Variants in RNF125 observed in about 807,000 individuals in gnomAD.
RNF125 encodes ring finger protein 125.
RNF125 carries 21 observed loss-of-function variants against 26.0 expected under a neutral mutation model. The ratio of observed to expected loss-of-function variants is 0.81; its 90% CI spans 0.57 to 1.16. RNF125 has a LOEUF of 1.16. Among genes scored for constraint, RNF125 ranks in the 50% most tolerant of loss-of-function variants. The pLI is 0.00. For synonymous variants in RNF125, 95 were observed against 109.2 expected, an observed-to-expected ratio of 0.87 and a Z score of 0.81; for missense variants, 270 against 299.4, an observed-to-expected ratio of 0.90 and a Z score of 0.72.
intron 4 of RNF125, 75 bp from the exon 5 acceptor site, chr18:32,065,827 A>G (rs1481567154): frequency 4.7e-6 from 5 of 1,058,054 alleles, no homozygotes; most frequent in Non-Finnish European, 7.3e-6. Flanking sequence ...CACCGCGCCC[A>G]GCCGTTGTTT....
intron 4 of RNF125, among the ~76,000 whole-genome samples, chr18:32,048,264 A>C (rs2039291333): frequency 6.6e-6 from 1 of 150,922 alleles, no homozygotes; most frequent in African/African-American, 2.4e-5. Context: ...ATACAAAAAA[A>C]AAAAAAAAAA....
At chr18:32,022,584 G>A (rs2038995615) in intron 1 of RNF125, among the ~76,000 whole-genome samples, 1 of 152,174 alleles carries the variant, frequency 6.6e-6, no homozygotes, top group South Asian at 2.1e-4. Context: ...GCAGAGTAGG[G>A]GCTTGGAACA....
In RNF125 at chr18:32,070,875, TGTATTTTTA is replaced by T. The variant is rs1444501232; in HGVS notation, c.*2495_*2503del. On this transcript the variant is annotated 3_prime_UTR_variant, in exon 6 of 6. Coordinates refer to ENST00000217740, the MANE Select transcript of RNF125 (RefSeq NM_017831.4). Reference sequence around the variant, plus strand: ...ATGCGCCACCACGCCCTGCTAATTTTGTATTTTTAGTAGAGTCAGGATTTCTCCACATTG... The same window carrying T: ...ATGCGCCACCACGCCCTGCTAATTTTGTAGAGTCAGGATTTCTCCACATTG... 6.6e-6 allele frequency: 1 copy of T among 151,944 alleles called. No individual in the cohort carries two copies. Among genetic ancestry groups the T allele is most frequent in the Non-Finnish European group, 1.5e-5 (1 of 68,002 alleles). The allele number at this position is 151,944 out of a possible 1,614,324, so 9.4% of individuals were successfully genotyped here.
At chr18:32,077,933 C>T (rs2039581104), downstream of RNF125, among the ~76,000 whole-genome samples, 1 of 151,962 alleles carries the variant, frequency 6.6e-6, no homozygotes, top group South Asian at 2.1e-4. Flanking sequence ...GGACTATAGG[C>T]ACACACCACC....
At chr18:32,090,305 A>G in the RNF125 span, among the ~76,000 whole-genome samples, 1,664 of 152,320 alleles carry the variant, frequency 0.011, 12 homozygotes, top group Non-Finnish European at 0.016. Context: ...TTGAACTCAA[A>G]GAACCATTTT....
chr18:32,027,223 G>C (rs1018907448), intron 1 of RNF125, among the ~76,000 whole-genome samples: 5 of 150,600 alleles, frequency 3.3e-5, no homozygotes, highest in Non-Finnish European at 7.4e-5. Context: ...CTACAGGATG[G>C]AGTCTTTTTT....
chr18:32,026,528 C>T (rs950738670), intron 1 of RNF125, among the ~76,000 whole-genome samples: 1 of 152,134 alleles, frequency 6.6e-6, no homozygotes, highest in Admixed American at 6.6e-5. Flanking sequence ...GTGTGAACCA[C>T]TGTCCCCAGC....
intron 1 of RNF125, among the ~76,000 whole-genome samples, chr18:32,019,700 G>GGT (rs2038967469): frequency 6.6e-6 from 1 of 152,130 alleles, no homozygotes; most frequent in Non-Finnish European, 1.5e-5. Flanking sequence ...AACCTGCTAG[G>GGT]GTGGGGCTTG....
At chr18:32,083,690 T>G in the RNF125 span, among the ~76,000 whole-genome samples, 1 of 151,816 alleles carries the variant, frequency 6.6e-6, no homozygotes. Context: ...GGTAGGCAGA[T>G]TGCTTGAGCT....
chr18:32,077,334 A>ATTTTT (rs552701343), downstream of RNF125, among the ~76,000 whole-genome samples: 11 of 107,862 alleles, frequency 1.0e-4, no homozygotes, highest in Non-Finnish European at 1.9e-4. Context: ...CCCTCTCCCC[A>ATTTTT]TTTTTTTTTT....
the RNF125 span, among the ~76,000 whole-genome samples, chr18:32,087,294 C>A: frequency 6.7e-6 from 1 of 149,664 alleles, no homozygotes; most frequent in African/African-American, 2.5e-5. Flanking sequence ...CACCAGTAAT[C>A]ATGTTTCTCT....
chr18:32,021,025 A>G (rs2038981239), intron 1 of RNF125, among the ~76,000 whole-genome samples: 1 of 152,234 alleles, frequency 6.6e-6, no homozygotes, highest in South Asian at 2.1e-4. Flanking sequence ...CAGGGACAAA[A>G]GTGTGCAGCC....
intron 4 of RNF125, among the ~76,000 whole-genome samples, chr18:32,059,138 G>T (rs1352412128): frequency 6.6e-6 from 1 of 152,136 alleles, no homozygotes; most frequent in East Asian, 1.9e-4. Flanking sequence ...AATATACCTG[G>T]GAGTAGGATT....
At position 32,053,221 on chromosome 18, in the gene RNF125, G is replaced by T. The variant is rs1480377340; in HGVS notation, c.504+7489G>T. On this transcript the variant is annotated intron_variant, in intron 4 of 5. Transcript: ENST00000217740. ...CTACTAAAAATACAAAATTAGCCGG[G>T]CATGGTGGTACATACCTGTAATCCC... is the stretch of plus-strand genomic sequence containing the variant. Among the ~76,000 whole-genome samples the T allele has an allele frequency of 2.6e-5, 4 of 152,000 alleles. No individual in the cohort carries two copies. In the South Asian group the frequency reaches 8.3e-4, roughly 32 times the overall value.
chr18:32,034,274 TC>T (rs2039128746), intron 1 of RNF125, among the ~76,000 whole-genome samples: 1 of 152,204 alleles, frequency 6.6e-6, no homozygotes, highest in Admixed American at 6.5e-5. Flanking sequence ...ACCTCGCGGA[TC>T]TTCTCTGTGG....
chr18:32,081,443 C>T, the RNF125 span, among the ~76,000 whole-genome samples: 1 of 152,096 alleles, frequency 6.6e-6, no homozygotes, highest in African/African-American at 2.4e-5. Flanking sequence ...CTCTCTGTTG[C>T]TATTTTTTTC....
the RNF125 span, among the ~76,000 whole-genome samples, chr18:32,090,674 C>T: frequency 1.3e-5 from 2 of 152,238 alleles, no homozygotes; most frequent in Middle Eastern, 3.4e-3. Context: ...ACCATTTTTT[C>T]TCTCTCATTC....
At chr18:32,087,398 C>T in the RNF125 span, among the ~76,000 whole-genome samples, 1 of 151,790 alleles carries the variant, frequency 6.6e-6, no homozygotes, top group Non-Finnish European at 1.5e-5. Context: ...GTTCTGGAGG[C>T]CCGGACTTGT....
intron 4 of RNF125, among the ~76,000 whole-genome samples, chr18:32,062,429 G>T (rs910210062): frequency 6.6e-6 from 1 of 152,136 alleles, no homozygotes; most frequent in Non-Finnish European, 1.5e-5. Flanking sequence ...GGAATGACCA[G>T]TAGTGCCAAT....
Sources: gnomAD v4.1 joint callset for allele counts (sites outside exome capture counted in the v4.1 genomes callset) on GRCh38, gnomAD v4.1.1 for gene constraint, MANE v1.5 for transcripts, NCBI Gene and HGNC (gene_info 2026-07-23, HGNC 2026-07-21) for gene names.